Variants in ATAD5 observed in about 807,000 individuals in gnomAD.
ATAD5 encodes ATPase family AAA domain containing 5.
A neutral mutation model predicts 176.9 loss-of-function variants in ATAD5; 58 were observed. The observed-to-expected ratio is 0.33, with a 90% CI of 0.27 to 0.41. The LOEUF is 0.41. Among genes scored for constraint, ATAD5 ranks in the 10% least tolerant of loss-of-function variants. The pLI, the probability that ATAD5 is intolerant of heterozygous loss-of-function variation, is 1.00. For missense variants in ATAD5, 1,789 were observed against 2,094.1 expected (o/e 0.85, Z 2.84); for synonymous variants, 640 against 712.6 (o/e 0.90, Z 1.62).
At chr17:30,867,697 C>T (rs1908082267) in intron 11 of ATAD5, among the ~76,000 whole-genome samples, 1 of 152,136 alleles carries the variant, frequency 6.6e-6, no homozygotes, top group South Asian at 2.1e-4. Context: ...CTGCAACCTT[C>T]GCCTCTCAGG....
At chr17:30,888,166 G>A (rs1489710596) in intron 19 of ATAD5, among the ~76,000 whole-genome samples, 1 of 152,060 alleles carries the variant, frequency 6.6e-6, no homozygotes, top group Non-Finnish European at 1.5e-5. Context: ...AAAAAACTCT[G>A]TGCTATGCTA....
At position 30,859,872 on chromosome 17, in the gene ATAD5, C is replaced by T. The variant is rs59215440; in HGVS notation, c.2957-561C>T. Among the ~76,000 whole-genome samples the T allele has an allele frequency of 2.5e-4, 36 of 145,386 alleles. 7 individuals carry two copies. The highest frequency in any genetic ancestry group is 5.0e-4 in the Admixed American group (7 of 14,010). On this transcript the variant is annotated intron_variant, in intron 9 of 22. Transcript: ENST00000321990. Reference sequence around the variant, plus strand: ...CTAGGTAGCTGAGATTACAGGCACACGCCACCATGCCTGGCTAATTTTTGT... The same window carrying T: ...CTAGGTAGCTGAGATTACAGGCACATGCCACCATGCCTGGCTAATTTTTGT...
At chr17:30,870,436 AT>A (rs2142400444) in intron 14 of ATAD5, among the ~76,000 whole-genome samples, 1 of 152,106 alleles carries the variant, frequency 6.6e-6, no homozygotes, top group Non-Finnish European at 1.5e-5. Flanking sequence ...AGTTAGATCT[AT>A]GGGCCTTATT....
intron 18 of ATAD5, among the ~76,000 whole-genome samples, chr17:30,885,166 T>G (rs1909245204): frequency 6.6e-6 from 1 of 152,326 alleles, no homozygotes; most frequent in East Asian, 1.9e-4. Flanking sequence ...CTTAGGTTTT[T>G]CTTTGCTTTT....
chr17:30,891,699 C>A (rs1288574153), intron 19 of ATAD5, among the ~76,000 whole-genome samples: 1 of 148,220 alleles, frequency 6.7e-6, no homozygotes. Context: ...TTTTCTTCCC[C>A]CTTTGAGTTG....
chr17:30,889,293 C>T (rs999690617), intron 19 of ATAD5, among the ~76,000 whole-genome samples: 5 of 150,892 alleles, frequency 3.3e-5, no homozygotes, highest in African/African-American at 9.7e-5. Context: ...CTGTCCTAGC[C>T]TCCTGAGAAG....
chr17:30,857,667 CTAATAGATA>C (rs1174796364), intron 8 of ATAD5, among the ~76,000 whole-genome samples: 1 of 151,698 alleles, frequency 6.6e-6, no homozygotes, highest in African/African-American at 2.4e-5. Flanking sequence ...GTCATATAAT[CTAATAGATA>C]TAATTAGTTC....
rs1909855639 is a variant in ATAD5, at chr17:30,895,403, TG to T, written c.*491del. On this transcript the variant is annotated 3_prime_UTR_variant, in exon 23 of 23. Coordinates refer to ENST00000321990, the MANE Select transcript of ATAD5 (RefSeq NM_024857.5). ...CTCATATTGTACAGTTTTTTTTGTG[TG>T]CTTTTTTTTTTTTTTTTTGAGACGG... The T allele has an allele frequency of 6.6e-6, 1 of 150,524 alleles. No individual in the cohort carries two copies. The highest frequency in any genetic ancestry group is 1.5e-5 in the Non-Finnish European group (1 of 67,742). The allele number at this position is 150,524 out of a possible 1,614,324, so 9.3% of individuals were successfully genotyped here.
At chr17:30,844,551 C>CTTTT (rs145866847) in intron 5 of ATAD5, among the ~76,000 whole-genome samples, 1 of 139,536 alleles carries the variant, frequency 7.2e-6, no homozygotes, top group African/African-American at 2.6e-5. Context: ...AAGAGTTTTT[C>CTTTT]TTTTTTTTTT....
At chr17:30,837,784 C>T (rs1597951289) in intron 3 of ATAD5, among the ~76,000 whole-genome samples, 1 of 152,304 alleles carries the variant, frequency 6.6e-6, no homozygotes, top group East Asian at 1.9e-4. Context: ...GGTCTCCACC[C>T]TCATGACCTA....
chr17:30,879,940 C>T (rs1258747410), intron 18 of ATAD5, among the ~76,000 whole-genome samples: 1 of 151,904 alleles, frequency 6.6e-6, no homozygotes, highest in Non-Finnish European at 1.5e-5. Context: ...AGGAAGATCA[C>T]TTGAGCCCAG....
At chr17:30,833,791 C>T (rs1308193718) in intron 1 of ATAD5, among the ~76,000 whole-genome samples, 4 of 152,204 alleles carry the variant, frequency 2.6e-5, no homozygotes, top group Non-Finnish European at 5.9e-5. Flanking sequence ...AGTGATTCTC[C>T]TGCCTCAGCC....
intron 1 of ATAD5, among the ~76,000 whole-genome samples, chr17:30,833,444 G>GCTTAATAGCA (rs758507852): frequency 4.7e-4 from 71 of 152,212 alleles, no homozygotes; most frequent in Non-Finnish European, 6.8e-4. Flanking sequence ...GCAACCCTAT[G>GCTTAATAGCA]ATCTATTGTC....
chr17:30,835,402 G>A lies in ATAD5; in HGVS notation c.1321G>A (p.Asp441Asn). The A allele has an allele frequency of 6.2e-7, 1 of 1,611,026 alleles. No individual in the cohort carries two copies. The highest frequency in any genetic ancestry group is 1.1e-5 in the South Asian group (1 of 89,802). The stretch of plus-strand genomic sequence containing the variant: ...ATGTCTATATGAAGTAGGAAGAGAT[G>A]ATAATTCTAAAAAAATCATGGAAAA... ...EKCLYEVGRD[D>N]NSKKIMENSG... is the part of the protein sequence containing the mutation. The change falls in exon 2 of 23, where the codon GAT becomes AAT. Residue 441 changes from aspartate to asparagine, a missense_variant. Transcript: ENST00000321990.
intron 6 of ATAD5, among the ~76,000 whole-genome samples, chr17:30,853,293 G>A (rs1907079187): frequency 6.6e-6 from 1 of 151,896 alleles, no homozygotes; most frequent in African/African-American, 2.4e-5. Context: ...TTATATGTGT[G>A]TAATATATGT....
intron 19 of ATAD5, among the ~76,000 whole-genome samples, chr17:30,887,807 C>T (rs1452964120): frequency 6.6e-6 from 1 of 152,006 alleles, no homozygotes; most frequent in Admixed American, 6.6e-5. Context: ...TAGAGCAATA[C>T]CCTATCTCTA....
rs555866279 is a variant in ATAD5, at chr17:30,845,723, T to C, written c.2450+807T>C. ...GATTTTAGAAGTTTAATTGGCCTGC[T>C]GGATAAAGAATGGAATGGAAGAGGG... On this transcript the variant is annotated intron_variant, in intron 6 of 22. Coordinates refer to ENST00000321990, the MANE Select transcript of ATAD5 (RefSeq NM_024857.5). Among the ~76,000 whole-genome samples, 20 of 152,212 alleles carry C rather than the reference T, an allele frequency of 1.3e-4. No homozygotes were observed. In the South Asian group the frequency reaches 4.1e-3, roughly 32 times the overall value.
At position 30,835,881 on chromosome 17, in the gene ATAD5, TAGC is replaced by T; in HGVS notation, c.1805_1807del (p.Ser602del). 6.2e-7 allele frequency: 1 copy of T among 1,614,054 alleles called. No individual in the cohort carries two copies. Among genetic ancestry groups the T allele is most frequent in the Non-Finnish European group, 8.5e-7 (1 of 1,179,998 alleles). ...AGTCAACTAGAAGATCTGGAAGAAT[TAGC>T]AGCACACCTACTACAGAAACCATTA... On this transcript the variant is annotated inframe_deletion, in exon 2 of 23. Coordinates refer to ENST00000321990, the MANE Select transcript of ATAD5 (RefSeq NM_024857.5).
Position 30,834,786 on chromosome 17 carries a change from T to C in ATAD5, c.705T>C (p.Asp235=), listed in dbSNP as rs374681958. The part of the protein sequence containing the change: ...ELNLLKKDGK[D]TKQMENTTSH... ...ATTTGCTTAAAAAAGATGGTAAAGATACTAAACAGATGGAGAATACTACAA... is the reference window on the plus strand; with the variant it reads ...ATTTGCTTAAAAAAGATGGTAAAGACACTAAACAGATGGAGAATACTACAA... The change falls in exon 2 of 23, where the codon GAT becomes GAC. Residue 235 remains aspartate, a synonymous_variant. Transcript: ENST00000321990. 4.3e-6 allele frequency: 7 copies of C among 1,613,930 alleles called. No individual in the cohort carries two copies. Among genetic ancestry groups the C allele is most frequent in the Non-Finnish European group, 5.1e-6 (6 of 1,179,984 alleles).
Sources: allele counts gnomAD v4.1 joint callset (sites outside exome capture counted in the v4.1 genomes callset), GRCh38; gene constraint gnomAD v4.1.1; transcripts MANE v1.5; gene names NCBI Gene and HGNC (gene_info 2026-07-23, HGNC 2026-07-21).